SLC44A5: variants seen among roughly 807,000 people sequenced by gnomAD.
SLC44A5 encodes the protein choline transporter-like protein 5.
SLC44A5 carries 57 observed loss-of-function variants against 101.8 expected under a neutral mutation model. That is an observed-to-expected ratio of 0.56 (90% CI 0.45 to 0.70). The LOEUF (loss-of-function observed/expected upper bound fraction) is 0.70, where lower values mean the gene tolerates loss of function less well. Ranked by LOEUF, SLC44A5 falls within the 30% of genes least tolerant of loss-of-function variation. The pLI, the probability that SLC44A5 is intolerant of heterozygous loss-of-function variation, is 0.00. For synonymous variants in SLC44A5, 281 were observed against 290.9 expected (o/e 0.97, Z 0.35); for missense variants, 737 against 853.1 (o/e 0.86, Z 1.70).
intron 4 of SLC44A5, among the ~76,000 whole-genome samples, chr1:75,314,319 G>A (rs1285179959): frequency 2.6e-5 from 4 of 152,076 alleles, no homozygotes; most frequent in Admixed American, 6.6e-5. Context: ...GTAACAGAAC[G>A]ACCTGTAATC....
chr1:75,204,379 A>G, intron 23 of SLC44A5: 1 of 152,218 alleles, frequency 6.6e-6, no homozygotes, highest in East Asian at 1.9e-4. Flanking sequence ...TATTTCAATT[A>G]CACAAATAAG....
chr1:75,433,090 C>T (rs1384298601), intron 2 of SLC44A5, among the ~76,000 whole-genome samples: 1 of 152,066 alleles, frequency 6.6e-6, no homozygotes, highest in African/African-American at 2.4e-5. Context: ...TTATCTTTCC[C>T]ACCAAAAATA....
chr1:75,443,534 C>T (rs1665328090), intron 2 of SLC44A5, among the ~76,000 whole-genome samples: 1 of 152,048 alleles, frequency 6.6e-6, no homozygotes, highest in Non-Finnish European at 1.5e-5. Context: ...CCAAAACTTA[C>T]TCAATAGGAA....
the SLC44A5 span, among the ~76,000 whole-genome samples, chr1:75,647,483 C>T: frequency 2.2e-4 from 33 of 152,256 alleles, no homozygotes; most frequent in South Asian, 6.6e-3. Context: ...AAGAAGGCCA[C>T]CACCCTCCAG....
At chr1:75,658,097 C>T in the SLC44A5 span, among the ~76,000 whole-genome samples, 141,126 of 152,040 alleles carry the variant, frequency 0.93, 65,727 homozygotes, top group African/African-American at 0.97. Context: ...TTGTTGTTGT[C>T]GTTGTTGTTT....
chr1:75,469,625 A>C (rs1205366790), intron 2 of SLC44A5, among the ~76,000 whole-genome samples: 1 of 152,154 alleles, frequency 6.6e-6, no homozygotes, highest in Non-Finnish European at 1.5e-5. Context: ...TTTGAGACAA[A>C]AAGTAGAGTC....
At chr1:75,430,269 T>C (rs1349195390) in intron 2 of SLC44A5, among the ~76,000 whole-genome samples, 1 of 152,070 alleles carries the variant, frequency 6.6e-6, no homozygotes, top group Non-Finnish European at 1.5e-5. Context: ...ATTCCTCCCC[T>C]CTGGAAGATG....
At position 75,217,980 on chromosome 1, in the gene SLC44A5, G is replaced by T. The variant is rs758077928; in HGVS notation, c.1530-20C>A. 6.8e-7 allele frequency: 1 copy of T among 1,480,876 alleles called. No individual in the cohort carries two copies. The allele number at this position is 1,480,876 out of a possible 1,614,324, so 91.7% of individuals were successfully genotyped here. On this transcript the variant is annotated intron_variant, in intron 17 of 23. Coordinates refer to ENST00000370859, the MANE Select transcript of SLC44A5 (RefSeq NM_001130058.2). Reference sequence around the variant, plus strand: ...TGATATCTGCACAAAAATAAAATGAGAATAAGTTAAAACTTAATACTATTA... The same window carrying T: ...TGATATCTGCACAAAAATAAAATGATAATAAGTTAAAACTTAATACTATTA...
At chr1:75,488,936 C>A (rs1194688202) in intron 2 of SLC44A5, among the ~76,000 whole-genome samples, 1 of 152,256 alleles carries the variant, frequency 6.6e-6, no homozygotes, top group Non-Finnish European at 1.5e-5. Context: ...GCAAACTCTG[C>A]CTCCCAGGTT....
chr1:75,274,309 A>C (rs938346489), intron 6 of SLC44A5, among the ~76,000 whole-genome samples: 1 of 152,060 alleles, frequency 6.6e-6, no homozygotes, highest in African/African-American at 2.4e-5. Flanking sequence ...AGGTTTTCTA[A>C]AAATATGAGA....
At chr1:75,666,403 C>T in the SLC44A5 span, among the ~76,000 whole-genome samples, 1 of 152,024 alleles carries the variant, frequency 6.6e-6, no homozygotes, top group Non-Finnish European at 1.5e-5. Flanking sequence ...AAGTCAAATC[C>T]CTGAATAGAC....
intron 4 of SLC44A5, among the ~76,000 whole-genome samples, chr1:75,335,672 T>C (rs1452704460): frequency 6.6e-6 from 1 of 152,226 alleles, no homozygotes; most frequent in Non-Finnish European, 1.5e-5. Context: ...AAATGTATCA[T>C]CAAGCCTTGC....
At chr1:75,396,683 T>C (rs762275900) in intron 2 of SLC44A5, 62 bp from the exon 3 acceptor site, 1 of 1,244,008 alleles carries the variant, frequency 8.0e-7, no homozygotes, top group South Asian at 1.2e-5. Context: ...TGAGGTTCTA[T>C]ACACATCTCT....
At chr1:75,257,343 T>A (rs1650096230) in intron 6 of SLC44A5, among the ~76,000 whole-genome samples, 1 of 152,138 alleles carries the variant, frequency 6.6e-6, no homozygotes, top group Non-Finnish European at 1.5e-5. Context: ...AAATGGCTGA[T>A]GAGAAGCATA....
At chr1:75,674,143 G>A in the SLC44A5 span, among the ~76,000 whole-genome samples, 1 of 152,102 alleles carries the variant, frequency 6.6e-6, no homozygotes, top group East Asian at 1.9e-4. Flanking sequence ...GCTGTTTTGA[G>A]GAAGCTCAAA....
intron 23 of SLC44A5, among the ~76,000 whole-genome samples, 166 bp downstream of exon 23, chr1:75,211,302 A>G (rs1023824779): frequency 1.3e-5 from 2 of 152,182 alleles, no homozygotes; most frequent in African/African-American, 4.8e-5. Context: ...CTCAGGTATT[A>G]TGGTTTAAAT....
chr1:75,424,627 G>A (rs1664201263), intron 2 of SLC44A5, among the ~76,000 whole-genome samples: 1 of 152,148 alleles, frequency 6.6e-6, no homozygotes, highest in Admixed American at 6.6e-5. Flanking sequence ...CCTTGTAAGA[G>A]CAAGAGTTCT....
the SLC44A5 span, among the ~76,000 whole-genome samples, chr1:75,701,149 T>G: frequency 1.2e-3 from 184 of 152,230 alleles, no homozygotes; most frequent in Admixed American, 3.1e-3. Context: ...CCTCCCTAAC[T>G]CATTTTATGA....
Position 75,425,547 on chromosome 1 carries a change from AGAACCCAAAGGC to A in SLC44A5, c.14-28938_14-28927del, listed in dbSNP as rs1570241546. ...GGCTGCACAGACGATTATCTTCTTG[AGAACCCAAAGGC>A]TGTCAAATAGACAGGCCAACTTAAT... On this transcript the variant is annotated intron_variant, in intron 2 of 23. Coordinates refer to ENST00000370859, the MANE Select transcript of SLC44A5 (RefSeq NM_001130058.2). Among the ~76,000 whole-genome samples the A allele has an allele frequency of 3.3e-5, 5 of 151,806 alleles. No homozygotes were observed. In the East Asian group the frequency reaches 9.6e-4, roughly 29 times the overall value.
Sources: allele counts gnomAD v4.1 joint callset (sites outside exome capture counted in the v4.1 genomes callset), GRCh38; gene constraint gnomAD v4.1.1; transcripts MANE v1.5; gene names NCBI Gene and HGNC (gene_info 2026-07-23, HGNC 2026-07-21).